PHACTR1: variants seen among roughly 807,000 people sequenced by gnomAD.
PHACTR1 encodes the protein RPEL repeat containing 1.
A neutral mutation model predicts 69.2 loss-of-function variants in PHACTR1; 16 were observed. The observed-to-expected ratio is 0.23, with a 90% confidence interval of 0.16 to 0.35. The LOEUF (loss-of-function observed/expected upper bound fraction) is 0.35. PHACTR1 is among the 10% of genes least tolerant of loss of function. The pLI is 1.00. For missense variants in PHACTR1, 510 were observed against 734.7 expected (o/e 0.69, Z 3.54); for synonymous variants, 312 against 284.5 (o/e 1.10, Z -0.97).
intron 10 of PHACTR1, among the ~76,000 whole-genome samples, chr6:13,238,639 A>C (rs1288938452): frequency 2.0e-5 from 3 of 152,110 alleles, no homozygotes; most frequent in African/African-American, 7.2e-5. Context: ...AGTAATCTTG[A>C]CTTCTAAATG....
chr6:12,956,969 C>T (rs1432647701), intron 4 of PHACTR1, among the ~76,000 whole-genome samples: 1 of 151,888 alleles, frequency 6.6e-6, no homozygotes, highest in Non-Finnish European at 1.5e-5. Flanking sequence ...CCGAAGGGAA[C>T]TAAAGTGCAT....
rs200616252 is a variant in PHACTR1, at chr6:13,287,316, C to CG, written c.*240dup. ...TGACACCAAAATGCATCCCAACCCC[C>CG]GGCAGTGCCAAGGGCACCAGCAGGG... On this transcript the variant is annotated 3_prime_UTR_variant, in exon 15 of 15. Coordinates refer to ENST00000332995, the MANE Select transcript of PHACTR1 (RefSeq NM_030948.6). 4,023 of 552,872 alleles carry CG rather than the reference C, an allele frequency of 7.3e-3. 142 individuals are homozygous for CG. The East Asian group carries it at 0.078, about 11-fold the overall frequency. 34.2% of individuals were successfully genotyped at this position (552,872 alleles called of 1,614,324 possible).
chr6:12,781,320 C>T (rs1770791949), intron 4 of PHACTR1, among the ~76,000 whole-genome samples: 1 of 152,096 alleles, frequency 6.6e-6, no homozygotes, highest in South Asian at 2.1e-4. Flanking sequence ...ACTTGTGCAC[C>T]TGCTGTCAGT....
chr6:12,851,450 G>C (rs558135486), intron 4 of PHACTR1, among the ~76,000 whole-genome samples: 2 of 152,164 alleles, frequency 1.3e-5, no homozygotes, highest in East Asian at 3.8e-4. Context: ...CTTTCAATCA[G>C]CCAACAGCCT....
intron 4 of PHACTR1, among the ~76,000 whole-genome samples, chr6:12,825,354 C>G (rs1420599931): frequency 2.0e-5 from 3 of 151,900 alleles, no homozygotes; most frequent in African/African-American, 7.3e-5. Flanking sequence ...GTAAGGGGCA[C>G]ATGGTGACAC....
intron 6 of PHACTR1, among the ~76,000 whole-genome samples, chr6:13,181,125 T>A (rs1156384727): frequency 6.6e-6 from 1 of 151,930 alleles, no homozygotes; most frequent in African/African-American, 2.4e-5. Context: ...TGCCCTTGAA[T>A]CATATGCTGT....
chr6:13,026,591 C>T (rs115535582), intron 4 of PHACTR1, among the ~76,000 whole-genome samples: 2,397 of 152,144 alleles, frequency 0.016, 26 homozygotes, highest in South Asian at 0.032. Context: ...CTTTTCTTCC[C>T]GTCTTCTCCT....
intron 4 of PHACTR1, among the ~76,000 whole-genome samples, chr6:13,020,786 A>G (rs1354147715): frequency 6.6e-6 from 1 of 152,172 alleles, no homozygotes; most frequent in Non-Finnish European, 1.5e-5. Context: ...ATGAATGTAC[A>G]TGTTCGTTTA....
At position 13,190,198 on chromosome 6, in the gene PHACTR1, A is replaced by ATTTTTTTTTTTTT. The variant is rs1215055032; in HGVS notation, c.664+7516_664+7528dup. Among the ~76,000 whole-genome samples the ATTTTTTTTTTTTT allele has an allele frequency of 4.0e-3, 353 of 87,206 alleles. 39 individuals are homozygous for ATTTTTTTTTTTTT. The highest frequency in any genetic ancestry group is 0.011 in the Middle Eastern group (1 of 94). The allele number at this position is 87,206 out of a possible 152,430, so 57.2% of individuals were successfully genotyped here. On this transcript the variant is annotated intron_variant, in intron 7 of 14. Transcript: ENST00000332995. ...GCCACTATGCTCAGCTAATTTTTGT[A>ATTTTTTTTTTTTT]TTTTTTTTTTTTTTTTAGTAGAGGT...
chr6:13,111,958 G>A (rs948633167), intron 5 of PHACTR1, among the ~76,000 whole-genome samples: 15 of 151,864 alleles, frequency 9.9e-5, no homozygotes, highest in African/African-American at 2.7e-4. Flanking sequence ...TTCTTTGTAC[G>A]GATTATTTCA....
intron 7 of PHACTR1, among the ~76,000 whole-genome samples, chr6:13,194,138 C>G (rs1238537330): frequency 6.6e-6 from 1 of 152,198 alleles, no homozygotes; most frequent in African/African-American, 2.4e-5. Flanking sequence ...GGCGCGATGG[C>G]TCACGCCTGT....
intron 3 of PHACTR1, among the ~76,000 whole-genome samples, chr6:12,719,892 A>T (rs907623398): frequency 3.3e-5 from 5 of 152,132 alleles, no homozygotes; most frequent in Admixed American, 6.5e-5. Flanking sequence ...TCAGAGCATG[A>T]CCCAGTCTTC....
intron 4 of PHACTR1, among the ~76,000 whole-genome samples, chr6:12,763,834 G>A (rs994612268): frequency 1.1e-4 from 17 of 152,032 alleles, no homozygotes; most frequent in East Asian, 5.8e-4. Context: ...AAATTTAACC[G>A]TCACAGTACT....
At chr6:12,932,163 T>TC (rs1257579648) in intron 4 of PHACTR1, among the ~76,000 whole-genome samples, 2 of 152,196 alleles carry the variant, frequency 1.3e-5, no homozygotes, top group South Asian at 4.1e-4. Context: ...AACCTGTTTC[T>TC]CCTGCCTGCT....
intron 10 of PHACTR1, among the ~76,000 whole-genome samples, chr6:13,264,668 G>A (rs554985979): frequency 2.0e-5 from 3 of 152,126 alleles, no homozygotes; most frequent in East Asian, 3.9e-4. Flanking sequence ...GCAGTGAGCC[G>A]AGTTTGCACC....
intron 4 of PHACTR1, among the ~76,000 whole-genome samples, chr6:12,871,450 G>A (rs1054668381): frequency 2.6e-5 from 4 of 152,284 alleles, no homozygotes; most frequent in Middle Eastern, 3.4e-3. Context: ...CTCAATGTAT[G>A]AGAGTTCCCC....
At chr6:13,079,953 G>A (rs1299115761) in intron 5 of PHACTR1, among the ~76,000 whole-genome samples, 1 of 152,018 alleles carries the variant, frequency 6.6e-6, no homozygotes, top group Non-Finnish European at 1.5e-5. Context: ...GACAGCCACC[G>A]AGCATTCTCT....
chr6:12,942,621 T>A (rs1017445341), intron 4 of PHACTR1, among the ~76,000 whole-genome samples: 5 of 152,142 alleles, frequency 3.3e-5, no homozygotes, highest in Non-Finnish European at 7.4e-5. Context: ...ATCATACCAC[T>A]GCACTCCAGC....
intron 4 of PHACTR1, among the ~76,000 whole-genome samples, chr6:13,007,620 T>C (rs1299072515): frequency 6.6e-6 from 1 of 151,254 alleles, no homozygotes; most frequent in Non-Finnish European, 1.5e-5. Context: ...TCCACAACGA[T>C]GATATTCACT....
Sources: allele counts gnomAD v4.1 joint callset (sites outside exome capture counted in the v4.1 genomes callset), GRCh38; gene constraint gnomAD v4.1.1; transcripts MANE v1.5; gene names NCBI Gene and HGNC (gene_info 2026-07-23, HGNC 2026-07-21).